STAU2: variants seen among roughly 807,000 people sequenced by gnomAD.
STAU2 encodes double-stranded RNA-binding protein Staufen homolog 2.
A neutral mutation model predicts 65.9 loss-of-function variants in STAU2; 20 were observed. The observed-to-expected ratio is 0.30, with a 90% CI of 0.21 to 0.44. STAU2 has a LOEUF of 0.44. Ranked by LOEUF, STAU2 falls within the 20% of genes least tolerant of loss-of-function variation. The pLI, the probability that STAU2 is intolerant of heterozygous loss-of-function variation, is 1.00. For missense variants in STAU2, 558 were observed against 683.9 expected (o/e 0.82, Z 2.05); for synonymous variants, 232 against 233.9 (o/e 0.99, Z 0.07).
At chr8:73,589,594 T>C (rs1810622884) in intron 11 of STAU2, among the ~76,000 whole-genome samples, 1 of 152,178 alleles carries the variant, frequency 6.6e-6, no homozygotes. Context: ...TTGATGTCAT[T>C]ATTAATAATG....
At chr8:73,569,142 C>T (rs973962489) in intron 12 of STAU2, among the ~76,000 whole-genome samples, 2 of 152,128 alleles carry the variant, frequency 1.3e-5, no homozygotes, top group Non-Finnish European at 2.9e-5. Flanking sequence ...TCTTAGCAAA[C>T]GGCACACCAA....
chr8:73,621,547 C>T (rs16938704), intron 6 of STAU2, among the ~76,000 whole-genome samples: 5,424 of 152,228 alleles, frequency 0.036, 280 homozygotes, highest in African/African-American at 0.12. Context: ...TGATTTTTCT[C>T]AAGTAGAATT....
intron 6 of STAU2, among the ~76,000 whole-genome samples, chr8:73,638,132 G>A (rs1451890653): frequency 6.6e-6 from 1 of 151,912 alleles, no homozygotes; most frequent in Admixed American, 6.6e-5. Context: ...GGCAGGGGCA[G>A]GGGCAAAATT....
At chr8:73,687,234 ATTAAT>A (rs1818917920) in intron 5 of STAU2, among the ~76,000 whole-genome samples, 2 of 126,348 alleles carry the variant, frequency 1.6e-5, no homozygotes, top group South Asian at 2.4e-4. Context: ...TTAAATATAA[ATTAAT>A]TTAAATATAA....
chr8:73,490,697 T>C (rs373876485), intron 13 of STAU2, among the ~76,000 whole-genome samples: 7 of 152,194 alleles, frequency 4.6e-5, no homozygotes, highest in African/African-American at 1.7e-4. Context: ...CAGATTTTGC[T>C]GGTCCTCAGT....
chr8:73,494,078 G>A (rs1160380990), intron 13 of STAU2, among the ~76,000 whole-genome samples: 4 of 151,692 alleles, frequency 2.6e-5, no homozygotes, highest in East Asian at 1.9e-4. Flanking sequence ...TGATGATAAC[G>A]TTTTATATCT....
intron 9 of STAU2, among the ~76,000 whole-genome samples, chr8:73,611,453 G>A (rs1812450901): frequency 2.0e-5 from 3 of 152,134 alleles, no homozygotes; most frequent in Admixed American, 6.5e-5. Flanking sequence ...TGATGCATAG[G>A]AGGGAAGTTC....
chr8:73,689,831 T>C (rs1819199708), intron 4 of STAU2, among the ~76,000 whole-genome samples: 1 of 152,136 alleles, frequency 6.6e-6, no homozygotes, highest in East Asian at 1.9e-4. Flanking sequence ...TGACGTCATG[T>C]GCCCCCTGAT....
In STAU2 at chr8:73,639,749, T is replaced by C. The variant is rs538674409; in HGVS notation, c.411-22298A>G. ...CCATTATCCTTGTTCTGGTTTGATA[T>C]TATTTTTATCTCTCCCAAACCATAA... On this transcript the variant is annotated intron_variant, in intron 6 of 14. Transcript: ENST00000524300. Among the ~76,000 whole-genome samples, 14 of 152,284 alleles carry C rather than the reference T, an allele frequency of 9.2e-5. No homozygotes were observed. The East Asian group carries it at 2.3e-3, about 25-fold the overall frequency.
At chr8:73,421,802 A>T (rs902040280) in intron 14 of STAU2, among the ~76,000 whole-genome samples, 2 of 152,176 alleles carry the variant, frequency 1.3e-5, no homozygotes, top group Non-Finnish European at 2.9e-5. Flanking sequence ...TAACTGTAAG[A>T]TCAGTGTATC....
At chr8:73,460,194 C>T (rs1819278994) in intron 13 of STAU2, among the ~76,000 whole-genome samples, 1 of 152,184 alleles carries the variant, frequency 6.6e-6, no homozygotes, top group Non-Finnish European at 1.5e-5. Context: ...TTCCTTCTAG[C>T]CTCTTCGATG....
chr8:73,527,532 C>A (rs1333103205), intron 13 of STAU2: 4 of 456,190 alleles, frequency 8.8e-6, no homozygotes, highest in South Asian at 1.2e-4. Flanking sequence ...ATCAATTTCC[C>A]AACACAAACA....
chr8:73,589,978 AAAG>A (rs142850895), intron 11 of STAU2, among the ~76,000 whole-genome samples: 14,254 of 151,196 alleles, frequency 0.094, 793 homozygotes, highest in African/African-American at 0.15. Context: ...AGGGAAGAAG[AAAG>A]AGGAGGGAGG....
chr8:73,663,296 T>C (rs1467339897), intron 6 of STAU2, among the ~76,000 whole-genome samples: 1 of 152,168 alleles, frequency 6.6e-6, no homozygotes, highest in Non-Finnish European at 1.5e-5. Context: ...TTGTAAAATA[T>C]CATTTTATTT....
At chr8:73,611,391 G>C (rs1030365380) in intron 9 of STAU2, among the ~76,000 whole-genome samples, 1 of 152,132 alleles carries the variant, frequency 6.6e-6, no homozygotes, top group Non-Finnish European at 1.5e-5. Flanking sequence ...TCTGGGAGTA[G>C]GAGAGGACCA....
chr8:73,632,211 T>C (rs1464402897), intron 6 of STAU2, among the ~76,000 whole-genome samples: 1 of 152,048 alleles, frequency 6.6e-6, no homozygotes. Context: ...TATAAGATAG[T>C]TTTATTTCCA....
At chr8:73,664,447 T>C (rs889347023) in intron 6 of STAU2, among the ~76,000 whole-genome samples, 1 of 152,200 alleles carries the variant, frequency 6.6e-6, no homozygotes, top group Non-Finnish European at 1.5e-5. Context: ...AGAAGCCCTT[T>C]ATCAGATTAA....
chr8:73,567,231 G>A (rs1202428043), intron 12 of STAU2, among the ~76,000 whole-genome samples: 1 of 152,138 alleles, frequency 6.6e-6, no homozygotes, highest in African/African-American at 2.4e-5. Flanking sequence ...AAAAAGGCCG[G>A]GCGCAGTGGT....
At chr8:73,579,061 T>C (rs1195906541) in intron 12 of STAU2, among the ~76,000 whole-genome samples, 3 of 124,834 alleles carry the variant, frequency 2.4e-5, no homozygotes, top group Non-Finnish European at 4.7e-5. Context: ...CAGCAGGCAA[T>C]CTACCCAATG....
Sources: allele counts gnomAD v4.1 joint callset (sites outside exome capture counted in the v4.1 genomes callset), GRCh38; gene constraint gnomAD v4.1.1; transcripts MANE v1.5; gene names NCBI Gene and HGNC (gene_info 2026-07-23, HGNC 2026-07-21).